TMEM255B: variants seen among roughly 807,000 people sequenced by gnomAD.
The protein encoded by TMEM255B is family with sequence similarity 70, member B.
Under a neutral mutation model 34.5 loss-of-function variants are expected in TMEM255B, and 35 were observed. The observed-to-expected ratio is 1.01, with a 90% CI of 0.77 to 1.34. The LOEUF (loss-of-function observed/expected upper bound fraction) is 1.34, where lower values mean the gene tolerates loss of function less well. TMEM255B is among the 40% of genes most tolerant of loss of function. The pLI is 0.00. For synonymous variants in TMEM255B, 206 were observed against 201.2 expected, an observed-to-expected ratio of 1.02 and a Z score of -0.20; for missense variants, 432 against 433.2, an observed-to-expected ratio of 1.00 and a Z score of 0.02.
At chr13:113,801,435 G>A (rs1408269009) in intron 6 of TMEM255B, among the ~76,000 whole-genome samples, 2 of 152,202 alleles carry the variant, frequency 1.3e-5, no homozygotes, top group Non-Finnish European at 2.9e-5. Flanking sequence ...CCCAGTTGCC[G>A]CTCTTTGCCA....
At chr13:113,773,911 T>C (rs1030550072) in intron 3 of TMEM255B, among the ~76,000 whole-genome samples, 31 of 152,218 alleles carry the variant, frequency 2.0e-4, no homozygotes, top group Middle Eastern at 3.2e-3. Flanking sequence ...TCAAGTTATT[T>C]CAAAAGGCAG....
chr13:113,783,196 C>G (rs1157226672), intron 3 of TMEM255B, among the ~76,000 whole-genome samples: 1 of 152,080 alleles, frequency 6.6e-6, no homozygotes, highest in East Asian at 1.9e-4. Context: ...TCCTGGGGCT[C>G]TTATGTAATT....
intron 1 of TMEM255B, among the ~76,000 whole-genome samples, chr13:113,762,507 G>A (rs949226692): frequency 5.3e-5 from 8 of 152,122 alleles, no homozygotes; most frequent in Non-Finnish European, 1.2e-4. Flanking sequence ...GTAGCAGATG[G>A]GGGGGAAGTT....
intron 5 of TMEM255B, among the ~76,000 whole-genome samples, chr13:113,800,298 CCT>C (rs1287124216): frequency 1.0e-4 from 6 of 57,384 alleles, no homozygotes; most frequent in African/African-American, 3.4e-4. Flanking sequence ...GGGGAGGCGT[CCT>C]CTGTGTGTGT....
rs370972189 is a variant in TMEM255B at position 113,811,480 on chromosome 13, G to T, written c.814-256G>T. 4.1e-4 allele frequency among the ~76,000 whole-genome samples: 59 copies of T among 145,590 alleles called. No homozygotes were observed. The East Asian group carries it at 0.011, about 27-fold the overall frequency. On this transcript the variant is annotated intron_variant, in intron 8 of 8. Transcript: ENST00000375353. ...TGGGAGCCCGTGTGAATAGCCCTGG[G>T]TCTGTGGGGGGCCCGTGTGAATAGC...
intron 7 of TMEM255B, 44 bp downstream of exon 7, chr13:113,801,856 G>A (rs1334635606): frequency 7.9e-6 from 12 of 1,522,264 alleles, no homozygotes; most frequent in Non-Finnish European, 1.1e-5. Flanking sequence ...TGGGAGCCGG[G>A]GCTCCGGGTC....
At chr13:113,762,097 C>T (rs554401446) in intron 1 of TMEM255B, among the ~76,000 whole-genome samples, 7 of 62,140 alleles carry the variant, frequency 1.1e-4, no homozygotes, top group East Asian at 4.6e-4. Flanking sequence ...ACAGTATTTC[C>T]GGGACAGGAA....
chr13:113,764,051 T>C (rs2050349737), intron 1 of TMEM255B, among the ~76,000 whole-genome samples: 1 of 151,596 alleles, frequency 6.6e-6, no homozygotes. Flanking sequence ...TTGAGGGGAG[T>C]GTCCTCCCCA....
intron 3 of TMEM255B, among the ~76,000 whole-genome samples, chr13:113,776,352 G>T (rs975848862): frequency 1.3e-5 from 2 of 152,214 alleles, no homozygotes; most frequent in African/African-American, 4.8e-5. Context: ...GAGCTTGGAG[G>T]CCTGTGGGAT....
intron 3 of TMEM255B, among the ~76,000 whole-genome samples, chr13:113,784,549 A>C (rs1278650297): frequency 6.6e-6 from 1 of 152,082 alleles, no homozygotes; most frequent in African/African-American, 2.4e-5. Flanking sequence ...AAGAAGAAGA[A>C]GAAGAAGGAG....
chr13:113,803,964 G>T (rs114301021), intron 7 of TMEM255B, among the ~76,000 whole-genome samples: 1,777 of 19,358 alleles, frequency 0.092, 38 homozygotes, highest in African/African-American at 0.27. Context: ...CCAGCCCCTC[G>T]CAGCGGCTCT....
intron 7 of TMEM255B, among the ~76,000 whole-genome samples, chr13:113,803,969 G>A (rs529435194): frequency 3.0e-4 from 5 of 16,776 alleles, no homozygotes; most frequent in African/African-American, 9.2e-4. Flanking sequence ...CCCTCGCAGC[G>A]GCTCTGGCCT....
chr13:113,763,246 G>A (rs1286440146), intron 1 of TMEM255B, among the ~76,000 whole-genome samples: 2 of 152,196 alleles, frequency 1.3e-5, no homozygotes, highest in African/African-American at 2.4e-5. Flanking sequence ...ATTATTTTGT[G>A]TAATTCCACA....
chr13:113,761,435 A>T, intron 1 of TMEM255B: 1 of 923,348 alleles, frequency 1.1e-6, no homozygotes, highest in Non-Finnish European at 1.3e-6. Flanking sequence ...AGCAGGTGGG[A>T]TGGGAGAAGT....
At chr13:113,790,661 C>T (rs1469625479) in intron 3 of TMEM255B, among the ~76,000 whole-genome samples, 3 of 147,916 alleles carry the variant, frequency 2.0e-5, no homozygotes, top group African/African-American at 5.1e-5. Flanking sequence ...TGACCGGACA[C>T]GTGGACATCC....
rs2051374845 is a variant in TMEM255B at position 113,813,882 on chromosome 13, G to A, written c.*1979G>A. The A allele has an allele frequency of 6.6e-6, 1 of 152,282 alleles. No individual in the cohort carries two copies. Among genetic ancestry groups the A allele is most frequent in the Non-Finnish European group, 1.5e-5 (1 of 68,088 alleles). 9.4% of individuals were successfully genotyped at this position (152,282 alleles called of 1,614,324 possible). A position where few individuals can be genotyped will look rare whatever the true frequency, so the allele number is the denominator to read the frequency against. On this transcript the variant is annotated 3_prime_UTR_variant, in exon 9 of 9. Coordinates refer to ENST00000375353, the MANE Select transcript of TMEM255B (RefSeq NM_182614.4). ...CCGGGAGGTCGGGCACGAGCCGGAGGTGCGGCGTCCTGTCTGGAAATCACC... is the reference window on the plus strand; with the variant it reads ...CCGGGAGGTCGGGCACGAGCCGGAGATGCGGCGTCCTGTCTGGAAATCACC...
chr13:113,797,569 A>C (rs1372034662), intron 4 of TMEM255B, among the ~76,000 whole-genome samples: 1 of 152,160 alleles, frequency 6.6e-6, no homozygotes, highest in Admixed American at 6.5e-5. Context: ...CTGTGGTCTC[A>C]TGTCTGTCCC....
At chr13:113,767,813 G>A (rs1485081405) in intron 2 of TMEM255B, among the ~76,000 whole-genome samples, 2 of 152,184 alleles carry the variant, frequency 1.3e-5, no homozygotes, top group Non-Finnish European at 2.9e-5. Context: ...TTTCAAGAAA[G>A]GTGTGGTTTT....
At chr13:113,784,567 GAGGAGGAGA>G (rs1334100301) in intron 3 of TMEM255B, among the ~76,000 whole-genome samples, 7 of 152,116 alleles carry the variant, frequency 4.6e-5, no homozygotes, top group African/African-American at 1.2e-4. Context: ...GAGGAGAAGG[GAGGAGGAGA>G]AGGAGGAGAA....
Sources: allele counts gnomAD v4.1 joint callset (sites outside exome capture counted in the v4.1 genomes callset), GRCh38; gene constraint gnomAD v4.1.1; transcripts MANE v1.5; gene names NCBI Gene and HGNC (gene_info 2026-07-23, HGNC 2026-07-21).